Variants in KCNN2 observed in about 807,000 individuals in gnomAD.
KCNN2 encodes the protein small conductance calcium-activated potassium channel protein 2.
Under a neutral mutation model 55.5 loss-of-function variants are expected in KCNN2, and 24 were observed. That is an observed-to-expected ratio of 0.43 (90% CI 0.31 to 0.61). The LOEUF is 0.61. Ranked by LOEUF, KCNN2 falls within the 20% of genes least tolerant of loss-of-function variation. The pLI, the probability that KCNN2 is intolerant of heterozygous loss-of-function variation, is 0.08. For missense variants in KCNN2, 754 were observed against 853.6 expected, an observed-to-expected ratio of 0.88 and a Z score of 1.45; for synonymous variants, 431 against 336.1, an observed-to-expected ratio of 1.28 and a Z score of -3.09.
intron 1 of KCNN2, among the ~76,000 whole-genome samples, chr5:114,163,703 G>A (rs991202944): frequency 2.6e-5 from 4 of 152,076 alleles, no homozygotes; most frequent in Non-Finnish European, 4.4e-5. Context: ...GCATCTCCTG[G>A]TAATATGGGG....
upstream of KCNN2, among the ~76,000 whole-genome samples, chr5:114,357,193 C>G (rs1430870533): frequency 6.6e-6 from 1 of 150,946 alleles, no homozygotes; most frequent in African/African-American, 2.4e-5. Context: ...TAAGGTACAA[C>G]AAAAAGACAT....
intron 2 of KCNN2, among the ~76,000 whole-genome samples, chr5:114,267,099 G>A (rs549574116): frequency 2.7e-5 from 4 of 149,844 alleles, no homozygotes; most frequent in East Asian, 2.0e-4. Context: ...AGGTTCAAGC[G>A]ATTCTCCTGC....
chr5:114,165,317 A>T (rs1188841640), intron 1 of KCNN2, among the ~76,000 whole-genome samples: 1 of 152,168 alleles, frequency 6.6e-6, no homozygotes. Context: ...TAACACGAAG[A>T]CGAGGATGAA....
At chr5:114,462,617 C>G (rs1408427356) in intron 3 of KCNN2, among the ~76,000 whole-genome samples, 1 of 152,106 alleles carries the variant, frequency 6.6e-6, no homozygotes, top group East Asian at 1.9e-4. Context: ...GTCAGGAAAT[C>G]GAGGTAGCAA....
chr5:114,458,989 G>A (rs1417980879), intron 3 of KCNN2, among the ~76,000 whole-genome samples: 1 of 152,190 alleles, frequency 6.6e-6, no homozygotes, highest in Non-Finnish European at 1.5e-5. Flanking sequence ...CACTCTCTTG[G>A]GGAAGAAGGC....
intron 1 of KCNN2, among the ~76,000 whole-genome samples, chr5:114,146,958 A>G (rs917805365): frequency 2.0e-5 from 3 of 152,200 alleles, no homozygotes; most frequent in African/African-American, 7.2e-5. Context: ...AGTGTCAGCA[A>G]TATTTTTGAT....
At chr5:114,374,875 T>C (rs1490099168) in intron 2 of KCNN2, among the ~76,000 whole-genome samples, 1 of 152,188 alleles carries the variant, frequency 6.6e-6, no homozygotes, top group African/African-American at 2.4e-5. Context: ...CTATCCGTAG[T>C]GATTATCTGG....
chr5:114,204,885 C>T (rs1443716691), intron 1 of KCNN2, among the ~76,000 whole-genome samples: 1 of 152,126 alleles, frequency 6.6e-6, no homozygotes, highest in Non-Finnish European at 1.5e-5. Context: ...CTTATTAATA[C>T]AATTTCCAAA....
chr5:114,439,107 A>G (rs987288459), intron 3 of KCNN2, among the ~76,000 whole-genome samples: 12 of 152,212 alleles, frequency 7.9e-5, no homozygotes, highest in Non-Finnish European at 1.2e-4. Flanking sequence ...ATATTCTCAT[A>G]ACCTTTTGCG....
chr5:114,242,050 G>C (rs114919516), intron 2 of KCNN2, among the ~76,000 whole-genome samples: 2,357 of 151,236 alleles, frequency 0.016, 66 homozygotes, highest in African/African-American at 0.055. Context: ...GTTCCCACAC[G>C]GTGAAATGGA....
chr5:114,136,233 A>G (rs990397632), intron 1 of KCNN2, among the ~76,000 whole-genome samples: 12 of 152,222 alleles, frequency 7.9e-5, no homozygotes, highest in African/African-American at 2.9e-4. Context: ...CATGAAGACT[A>G]ATGCTATTAT....
At chr5:114,169,279 G>A (rs1405775825) in intron 1 of KCNN2, among the ~76,000 whole-genome samples, 1 of 152,074 alleles carries the variant, frequency 6.6e-6, no homozygotes, top group Non-Finnish European at 1.5e-5. Flanking sequence ...TGTCAAATGG[G>A]AGCTTCTCAT....
At chr5:114,455,080 G>A (rs769237144) in intron 3 of KCNN2, among the ~76,000 whole-genome samples, 21 of 151,474 alleles carry the variant, frequency 1.4e-4, no homozygotes, top group Non-Finnish European at 2.5e-4. Flanking sequence ...CTTTTTCAAT[G>A]TGTTACTTCA....
At chr5:114,087,286 T>A (rs1751036829) in intron 1 of KCNN2, among the ~76,000 whole-genome samples, 1 of 152,154 alleles carries the variant, frequency 6.6e-6, no homozygotes, top group Non-Finnish European at 1.5e-5. Flanking sequence ...TTTAATTAGA[T>A]CCCACTTGTC....
intron 2 of KCNN2, among the ~76,000 whole-genome samples, chr5:114,341,415 G>A (rs73779802): frequency 0.043 from 6,510 of 152,196 alleles, 484 homozygotes; most frequent in African/African-American, 0.15. Context: ...AAGATAAAAG[G>A]AGATGAATGC....
chr5:114,176,964 G>C (rs1264586763), intron 1 of KCNN2, among the ~76,000 whole-genome samples: 1 of 151,800 alleles, frequency 6.6e-6, no homozygotes, highest in Non-Finnish European at 1.5e-5. Context: ...TTTAAAGGAG[G>C]AACAGTTTTT....
chr5:114,287,764 A>AG (rs1019820847), intron 2 of KCNN2, among the ~76,000 whole-genome samples: 1 of 151,902 alleles, frequency 6.6e-6, no homozygotes, highest in Non-Finnish European at 1.5e-5. Flanking sequence ...ATAAAAAAAA[A>AG]AAAGAAGAAG....
chr5:114,440,780 C>T (rs1760176533), intron 3 of KCNN2, among the ~76,000 whole-genome samples: 1 of 151,886 alleles, frequency 6.6e-6, no homozygotes, highest in Admixed American at 6.6e-5. Flanking sequence ...GAATGTATAA[C>T]ATCTAAGCAA....
chr5:114,485,202 T>G (rs2150135779), intron 5 of KCNN2, among the ~76,000 whole-genome samples: 1 of 152,154 alleles, frequency 6.6e-6, no homozygotes, highest in Non-Finnish European at 1.5e-5. Flanking sequence ...TTACCTAGGG[T>G]TTTTAACTGG....
Sources: allele counts gnomAD v4.1 joint callset (sites outside exome capture counted in the v4.1 genomes callset), GRCh38; gene constraint gnomAD v4.1.1; transcripts MANE v1.5; gene names NCBI Gene and HGNC (gene_info 2026-07-23, HGNC 2026-07-21).